SYT6: variants seen among roughly 807,000 people sequenced by gnomAD.
SYT6 encodes synaptotagmin 6, also known as synaptotagmin-6.
Under a neutral mutation model 38.4 loss-of-function variants are expected in SYT6, and 24 were observed. The ratio of observed to expected loss-of-function variants is 0.62; its 90% CI spans 0.45 to 0.88. The LOEUF is 0.88. Among genes scored for constraint, SYT6 ranks in the 40% least tolerant of loss-of-function variants. The pLI is 0.00. For synonymous variants in SYT6, 265 were observed against 241.9 expected (o/e 1.10, Z -0.89); for missense variants, 611 against 621.0 (o/e 0.98, Z 0.17).
intron 3 of SYT6, among the ~76,000 whole-genome samples, chr1:114,110,469 C>T (rs1033221161): frequency 6.6e-6 from 1 of 152,152 alleles, no homozygotes; most frequent in African/African-American, 2.4e-5. Flanking sequence ...GGAGAGCTCT[C>T]AGCAGAGGCT....
chr1:114,115,247 C>G (rs1676924775), intron 3 of SYT6, among the ~76,000 whole-genome samples: 1 of 152,172 alleles, frequency 6.6e-6, no homozygotes, highest in Non-Finnish European at 1.5e-5. Flanking sequence ...ACAACCATTG[C>G]TTTTGTCTAG....
chr1:114,105,779 T>C lies in SYT6; in HGVS notation c.1072-2058A>G, dbSNP rs1676269464. Among the ~76,000 whole-genome samples, 6 of 152,326 alleles carry C rather than the reference T, an allele frequency of 3.9e-5. No homozygotes were observed. In the South Asian group the frequency reaches 1.2e-3, roughly 32 times the overall value. On this transcript the variant is annotated intron_variant, in intron 3 of 7. Coordinates refer to ENST00000610222, the MANE Select transcript of SYT6 (RefSeq NM_001253772.2). ...TCGTGACTCTCGAGAGAGTGGTCCT[T>C]GCACTCCGCTTTTGAGCAATGCCCT...
chr1:114,117,270 C>T (rs1677053603), intron 3 of SYT6, among the ~76,000 whole-genome samples: 1 of 152,180 alleles, frequency 6.6e-6, no homozygotes, highest in Non-Finnish European at 1.5e-5. Flanking sequence ...AAGAGGAAAC[C>T]ACGGGGAGAG....
At chr1:114,100,295 C>T (rs1219135991) in intron 4 of SYT6, among the ~76,000 whole-genome samples, 5 of 152,130 alleles carry the variant, frequency 3.3e-5, no homozygotes, top group African/African-American at 1.2e-4. Flanking sequence ...ACCTTGTTGC[C>T]CAGAAGCCAG....
rs1477254765 is a variant in SYT6 at position 114,153,800 on chromosome 1, G to T, written c.-28C>A. On this transcript the variant is annotated 5_prime_UTR_variant, in exon 1 of 8. The change creates a new upstream start codon in the 5' untranslated region. Coordinates refer to ENST00000610222, the MANE Select transcript of SYT6 (RefSeq NM_001253772.2). The stretch of plus-strand genomic sequence containing the variant: ...CCTAGACACCCAGGCTTGCCGAGCA[G>T]CAGCTCGAACCCGCGCCCCGGCCGC... The T allele has an allele frequency of 1.6e-6, 1 of 635,572 alleles. No individual in the cohort carries two copies. The highest frequency in any genetic ancestry group is 2.8e-6 in the Non-Finnish European group (1 of 358,880). The allele number at this position is 635,572 out of a possible 1,614,324, so 39.4% of individuals were successfully genotyped here.
chr1:114,094,998 G>A (rs1366615686), intron 6 of SYT6, among the ~76,000 whole-genome samples: 1 of 152,204 alleles, frequency 6.6e-6, no homozygotes. Context: ...GGCGCTAAAT[G>A]TGTCAGTGAC....
intron 3 of SYT6, among the ~76,000 whole-genome samples, chr1:114,128,585 G>A (rs1322948288): frequency 6.6e-6 from 1 of 152,154 alleles, no homozygotes; most frequent in African/African-American, 2.4e-5. Flanking sequence ...CCCCACTCGG[G>A]TTCCACCAAA....
At chr1:114,143,354 AG>A (rs959955671) in intron 1 of SYT6, among the ~76,000 whole-genome samples, 1 of 149,066 alleles carries the variant, frequency 6.7e-6, no homozygotes, top group Non-Finnish European at 1.5e-5. Context: ...TATGTATAAA[AG>A]TTTTAGATAC....
chr1:114,108,111 C>A (rs1428255517), intron 3 of SYT6, among the ~76,000 whole-genome samples: 1 of 152,188 alleles, frequency 6.6e-6, no homozygotes, highest in Non-Finnish European at 1.5e-5. Context: ...GGTGGACCTG[C>A]TGGCAGGGGA....
intron 1 of SYT6, among the ~76,000 whole-genome samples, chr1:114,150,199 A>G (rs1679373914): frequency 6.6e-6 from 1 of 152,182 alleles, no homozygotes; most frequent in Admixed American, 6.5e-5. Flanking sequence ...AGAAGAGAAC[A>G]TGTCTTTTGT....
intron 3 of SYT6, among the ~76,000 whole-genome samples, chr1:114,122,511 G>GCA (rs1553182010): frequency 9.9e-5 from 15 of 151,862 alleles, no homozygotes; most frequent in South Asian, 4.2e-4. Flanking sequence ...GTGTGTGCGC[G>GCA]CACATGAGCA....
At chr1:114,131,694 A>G (rs1048088064) in intron 3 of SYT6, among the ~76,000 whole-genome samples, 6 of 152,204 alleles carry the variant, frequency 3.9e-5, no homozygotes, top group African/African-American at 1.4e-4. Flanking sequence ...TCTGCATTCA[A>G]CAAGTGCCCA....
chr1:114,115,064 C>T (rs1571849254), intron 3 of SYT6, among the ~76,000 whole-genome samples: 1 of 152,210 alleles, frequency 6.6e-6, no homozygotes, highest in East Asian at 1.9e-4. Flanking sequence ...AGATATCTGA[C>T]ACCACTCTGT....
At chr1:114,124,063 C>T (rs7528847) in intron 3 of SYT6, among the ~76,000 whole-genome samples, 11,741 of 152,216 alleles carry the variant, frequency 0.077, 635 homozygotes, top group East Asian at 0.14. Context: ...GAAGTGGCTT[C>T]CCCCTTCCTA....
chr1:114,134,342 T>C (rs1358341990), intron 3 of SYT6, among the ~76,000 whole-genome samples: 1 of 152,222 alleles, frequency 6.6e-6, no homozygotes, highest in Non-Finnish European at 1.5e-5. Context: ...CAATTCCAAC[T>C]GCTTCTTTAA....
intron 3 of SYT6, among the ~76,000 whole-genome samples, chr1:114,117,054 C>T (rs1417377071): frequency 4.6e-5 from 7 of 152,218 alleles, no homozygotes; most frequent in African/African-American, 1.7e-4. Context: ...GAGTCTGCTA[C>T]AGGAGTTTTA....
chr1:114,093,533 A>C (rs1230820094), intron 7 of SYT6, among the ~76,000 whole-genome samples: 1 of 152,218 alleles, frequency 6.6e-6, no homozygotes, highest in Non-Finnish European at 1.5e-5. Context: ...TTGTTCTCGC[A>C]AATAAGAAAA....
intron 1 of SYT6, among the ~76,000 whole-genome samples, chr1:114,142,605 G>T (rs112340301): frequency 2.2e-3 from 328 of 152,270 alleles, no homozygotes; most frequent in Non-Finnish European, 3.2e-3. Context: ...GTTCTACTAT[G>T]GATAAAATGC....
chr1:114,150,711 G>A (rs1422169883), intron 1 of SYT6, among the ~76,000 whole-genome samples: 1 of 152,182 alleles, frequency 6.6e-6, no homozygotes, highest in Non-Finnish European at 1.5e-5. Context: ...AATGAAAGGT[G>A]GAGAACTGCT....
Sources: allele counts gnomAD v4.1 joint callset (sites outside exome capture counted in the v4.1 genomes callset), GRCh38; gene constraint gnomAD v4.1.1; transcripts MANE v1.5; gene names NCBI Gene and HGNC (gene_info 2026-07-23, HGNC 2026-07-21).